Variants in FLNB observed in about 807,000 individuals in gnomAD.
FLNB encodes filamin-B.
In FLNB, 111 loss-of-function variants were observed where a neutral mutation model predicts 250.6. The observed-to-expected ratio is 0.44, with a 90% confidence interval of 0.38 to 0.52. The LOEUF (loss-of-function observed/expected upper bound fraction) is 0.52. Among genes scored for constraint, FLNB ranks in the 20% least tolerant of loss-of-function variants. The probability of loss-of-function intolerance (pLI) is 0.00; values close to 1 mark genes in which losing one functional copy is unlikely to be tolerated. For synonymous variants in FLNB, 1,302 were observed against 1,372.1 expected (o/e 0.95, Z 1.13); for missense variants, 2,869 against 3,447.8 (o/e 0.83, Z 4.20).
chr3:58,036,383 C>T (rs531563568), intron 1 of FLNB, among the ~76,000 whole-genome samples: 23 of 152,086 alleles, frequency 1.5e-4, no homozygotes, highest in Non-Finnish European at 2.8e-4. Context: ...AAAGATAATT[C>T]GGCAGGTAGG....
chr3:58,016,751 T>A (rs2097106351), intron 1 of FLNB, among the ~76,000 whole-genome samples: 1 of 152,156 alleles, frequency 6.6e-6, no homozygotes, highest in South Asian at 2.1e-4. Flanking sequence ...CTTTGAGTAT[T>A]CTAAATTAAG....
chr3:58,010,745 C>A (rs1317037679), intron 1 of FLNB, among the ~76,000 whole-genome samples: 3 of 152,082 alleles, frequency 2.0e-5, no homozygotes, highest in East Asian at 3.8e-4. Context: ...ACAACAAAAC[C>A]AAACCAAACC....
At position 58,169,519 on chromosome 3, in the gene FLNB, C is replaced by G; in HGVS notation, c.7418-71C>G. On this transcript the variant is annotated intron_variant, in intron 44 of 45. Coordinates refer to ENST00000295956, the MANE Select transcript of FLNB (RefSeq NM_001457.4). This position sits in a 1 kb window ranked among gnomAD's most constrained non-coding sequence, Gnocchi z 4.8. ...CTGGGGTTACTGTGTAGGGTACTCG[C>G]CTGTCCTCTGGCTGAGAGACCCCTC... is the stretch of plus-strand genomic sequence containing the variant. 7.9e-7 allele frequency: 1 copy of G among 1,272,258 alleles called. No individual in the cohort carries two copies. The highest frequency in any genetic ancestry group is 1.2e-6 in the Non-Finnish European group (1 of 868,388). 78.8% of individuals were successfully genotyped at this position (1,272,258 alleles called of 1,614,324 possible).
Position 58,168,687 on chromosome 3 carries a change from C to T in FLNB, c.7417+29C>T, listed in dbSNP as rs3773014. ...ACGAACAACCACCTTCGGAGTTACT[C>T]TCCCTTCCTGGGGAGCTGGTTGTGT... On this transcript the variant is annotated intron_variant, in intron 44 of 45. Coordinates refer to ENST00000295956, the MANE Select transcript of FLNB (RefSeq NM_001457.4). The T allele has an allele frequency of 2.3e-3, 3,408 of 1,507,532 alleles. 69 individuals carry two copies. The East Asian group carries it at 0.055, about 25-fold the overall frequency. The allele number at this position is 1,507,532 out of a possible 1,614,324, so 93.4% of individuals were successfully genotyped here. A position where few individuals can be genotyped will look rare whatever the true frequency, so the allele number is the denominator to read the frequency against.
chr3:58,134,952 G>T (rs942173213), intron 27 of FLNB, among the ~76,000 whole-genome samples, 180 bp downstream of exon 27: 1 of 152,080 alleles, frequency 6.6e-6, no homozygotes, highest in Non-Finnish European at 1.5e-5. Flanking sequence ...GAGATTTGAG[G>T]GTGTAGCTCC....
intron 9 of FLNB, 139 bp downstream of exon 9, chr3:58,102,479 C>T (rs1192548785): frequency 9.9e-7 from 1 of 1,010,862 alleles, no homozygotes; most frequent in Admixed American, 1.8e-5. Context: ...ATCTGGGCTC[C>T]TTGGGGAAGA....
Position 58,143,508 on chromosome 3 carries a change from C to G in FLNB, c.5320C>G (p.Pro1774Ala). The change falls in exon 32 of 46, where the codon CCT (proline) becomes GCT (alanine). Residue 1774 changes from proline (P) to alanine (A), a missense_variant. By Grantham distance (27) the Pro-to-Ala change is conservative. Around this residue, in one of 5 missense-constraint regions of FLNB, gnomAD observed 1,084 missense variants for 1,315.5 expected, o/e 0.82. Transcript: ENST00000295956. ...CATGCCTTCTGGGAAGACAGCCACA[C>G]CTGAGATTGTGGACAACAAGGACGG... ...VHMPSGKTAT[P>A]EIVDNKDGTV... 3 of 1,614,154 alleles carry G rather than the reference C, an allele frequency of 1.9e-6. No individual in the cohort carries two copies. Among genetic ancestry groups the G allele is most frequent in the African/African-American group, 2.7e-5 (2 of 75,050 alleles).
intron 4 of FLNB, among the ~76,000 whole-genome samples, chr3:58,093,543 T>G (rs2097231895): frequency 6.6e-6 from 1 of 152,132 alleles, no homozygotes; most frequent in Admixed American, 6.6e-5. Flanking sequence ...AAGATGCTCT[T>G]GTCACCAAGG....
At chr3:58,054,178 C>T (rs2097166865) in intron 1 of FLNB, among the ~76,000 whole-genome samples, 1 of 152,160 alleles carries the variant, frequency 6.6e-6, no homozygotes, top group Non-Finnish European at 1.5e-5. Flanking sequence ...ATATTGCTGG[C>T]TGGGTTCTAA....
At chr3:58,081,833 A>C (rs2097209618) in intron 4 of FLNB, 57 bp downstream of exon 4, 1 of 1,583,164 alleles carries the variant, frequency 6.3e-7, no homozygotes, top group Admixed American at 1.7e-5. Context: ...GTTGGAGATG[A>C]TTTCATGGCT....
intron 31 of FLNB, among the ~76,000 whole-genome samples, 167 bp from the exon 32 acceptor site, chr3:58,143,301 AAAAAG>A (rs2097330221): frequency 6.6e-6 from 1 of 152,132 alleles, no homozygotes; most frequent in Non-Finnish European, 1.5e-5. Flanking sequence ...TGGAAAAAAA[AAAAAG>A]AAAAGAGCAA....
intron 1 of FLNB, among the ~76,000 whole-genome samples, chr3:58,041,371 C>T (rs1029355069): frequency 6.6e-5 from 10 of 152,190 alleles, no homozygotes; most frequent in Admixed American, 2.6e-4. Flanking sequence ...TGTCTCTTCC[C>T]GCTGAGCGGC....
chr3:58,109,922 T>C, intron 15 of FLNB, 88 bp from the exon 16 acceptor site: 10 of 1,552,388 alleles, frequency 6.4e-6, no homozygotes, highest in Non-Finnish European at 8.9e-6. Context: ...TCCCAATTGC[T>C]TTTTGAGGGT....
intron 8 of FLNB, 119 bp from the exon 9 acceptor site, chr3:58,102,084 A>T: frequency 1.8e-6 from 2 of 1,119,932 alleles, no homozygotes; most frequent in South Asian, 1.3e-5. Context: ...TTGGGCAACT[A>T]CTGCATACTA....
At chr3:58,115,492 G>C (rs1367989608) in intron 18 of FLNB, among the ~76,000 whole-genome samples, 2 of 152,238 alleles carry the variant, frequency 1.3e-5, no homozygotes, top group Admixed American at 1.3e-4. Context: ...GCAGAACCCA[G>C]TACCCCAGAC....
chr3:58,099,968 A>C (rs1273005134), intron 8 of FLNB, among the ~76,000 whole-genome samples: 1 of 152,104 alleles, frequency 6.6e-6, no homozygotes, highest in Non-Finnish European at 1.5e-5. Context: ...TAATGTTTAT[A>C]TGAACTCAGC....
rs1216779415 is a variant in FLNB, at chr3:58,077,298, A to G, written c.541+4A>G. ...CTGGTAGACAGCTGTGCTCCAGGTA[A>G]GTGGCCAGGGCTGCCTAAACCATCT... is the stretch of plus-strand genomic sequence containing the variant. On this transcript the variant is annotated splice_donor_region_variant and intron_variant, in intron 2 of 45. Coordinates refer to ENST00000295956, the MANE Select transcript of FLNB (RefSeq NM_001457.4). 1.9e-6 allele frequency: 3 copies of G among 1,613,744 alleles called. No homozygotes were observed. The African/African-American group carries it at 4.0e-5, about 22-fold the overall frequency.
chr3:58,056,177 C>A (rs1397687226), intron 1 of FLNB, among the ~76,000 whole-genome samples: 1 of 151,100 alleles, frequency 6.6e-6, no homozygotes, highest in Non-Finnish European at 1.5e-5. Context: ...TCTCGGCTCA[C>A]TACTACCTCC....
chr3:58,064,029 A>G (rs768233919), intron 1 of FLNB, among the ~76,000 whole-genome samples: 12 of 152,124 alleles, frequency 7.9e-5, no homozygotes, highest in Non-Finnish European at 1.8e-4. Flanking sequence ...AGTTTTCATT[A>G]TAATAACGCC....
Sources: gnomAD v4.1 joint callset for allele counts (sites outside exome capture counted in the v4.1 genomes callset) on GRCh38, gnomAD v4.1.1 for gene constraint, gnomAD v4.1.1 regional missense constraint, Gnocchi (gnomAD v3.1) non-coding constraint, MANE v1.5 for transcripts, NCBI Gene and HGNC (gene_info 2026-07-23, HGNC 2026-07-21) for gene names.